DGKI: variants seen among roughly 807,000 people sequenced by gnomAD.
DGKI encodes DAG kinase iota.
DGKI carries 55 observed loss-of-function variants against 147.5 expected under a neutral mutation model. The observed-to-expected ratio is 0.37, with a 90% confidence interval of 0.30 to 0.47. The LOEUF (loss-of-function observed/expected upper bound fraction) is 0.47, where lower values mean the gene tolerates loss of function less well. Among genes scored for constraint, DGKI ranks in the 20% least tolerant of loss-of-function variants. The probability of loss-of-function intolerance (pLI) is 1.00; values close to 1 mark genes in which losing one functional copy is unlikely to be tolerated. For missense variants in DGKI, 1,007 were observed against 1,323.8 expected, an observed-to-expected ratio of 0.76 and a Z score of 3.71; for synonymous variants, 469 against 477.1, an observed-to-expected ratio of 0.98 and a Z score of 0.22.
chr7:137,747,161 T>C (rs1276331506), intron 1 of DGKI, among the ~76,000 whole-genome samples: 4 of 152,220 alleles, frequency 2.6e-5, no homozygotes, highest in Non-Finnish European at 5.9e-5. Flanking sequence ...CAATTTTGAT[T>C]GAAGTTACTA....
At chr7:137,602,766 G>T (rs1183004057) in intron 10 of DGKI, among the ~76,000 whole-genome samples, 2 of 151,970 alleles carry the variant, frequency 1.3e-5, no homozygotes, top group South Asian at 2.1e-4. Context: ...TCAATAGTAG[G>T]ATTAAATCTG....
At position 137,529,364 on chromosome 7, in the gene DGKI, T is replaced by C. The variant is rs546573627; in HGVS notation, c.2148-7398A>G. On this transcript the variant is annotated intron_variant, in intron 20 of 32. Coordinates refer to ENST00000614521, the MANE Select transcript of DGKI (RefSeq NM_001321708.2). Reference sequence around the variant, plus strand: ...TAAAAAAAATCTATGCTTTTGAGCATAGATTTTTCATGTGTGATTAGGCCA... The same window carrying C: ...TAAAAAAAATCTATGCTTTTGAGCACAGATTTTTCATGTGTGATTAGGCCA... 5.3e-5 allele frequency among the ~76,000 whole-genome samples: 8 copies of C among 152,254 alleles called. No homozygotes were observed. The East Asian group carries it at 5.8e-4, about 11-fold the overall frequency.
rs1818779219 is a variant in DGKI at position 137,571,119 on chromosome 7, A to G, written c.1947+56T>C. On this transcript the variant is annotated intron_variant, in intron 19 of 32. Coordinates refer to ENST00000614521, the MANE Select transcript of DGKI (RefSeq NM_001321708.2). ...AAGTTAACTAAAGTCCTGTGAATTG[A>G]ATAAACTCTGTGACTAAAATACATT... 10 of 1,327,414 alleles carry G rather than the reference A, an allele frequency of 7.5e-6. No individual in the cohort carries two copies. The Middle Eastern group carries it at 5.8e-4, about 77-fold the overall frequency. The allele number at this position is 1,327,414 out of a possible 1,614,324, so 82.2% of individuals were successfully genotyped here. A position where few individuals can be genotyped will look rare whatever the true frequency, so the allele number is the denominator to read the frequency against.
intron 10 of DGKI, among the ~76,000 whole-genome samples, chr7:137,601,911 T>C (rs2128990187): frequency 6.6e-6 from 1 of 152,338 alleles, no homozygotes; most frequent in Non-Finnish European, 1.5e-5. Context: ...AATCACGTTC[T>C]ATCTAATAAT....
In DGKI at chr7:137,384,645, G is replaced by C. The variant is rs1006622365; in HGVS notation, c.*6575C>G. The C allele has an allele frequency of 2.6e-5, 4 of 152,014 alleles. No homozygotes were observed. Among genetic ancestry groups the C allele is most frequent in the Non-Finnish European group, 5.9e-5 (4 of 67,962 alleles). The allele number at this position is 152,014 out of a possible 1,614,324, so 9.4% of individuals were successfully genotyped here. A position where few individuals can be genotyped will look rare whatever the true frequency, so the allele number is the denominator to read the frequency against. The stretch of plus-strand genomic sequence containing the variant: ...ATGCATTATTCACCTCGTTGGGGTT[G>C]TTTTGAACCCCAACTGAAGCTCAAA... On this transcript the variant is annotated 3_prime_UTR_variant, in exon 33 of 33. Coordinates refer to ENST00000614521, the MANE Select transcript of DGKI (RefSeq NM_001321708.2).
chr7:137,768,031 C>T (rs1262485422), intron 1 of DGKI, among the ~76,000 whole-genome samples: 1 of 151,988 alleles, frequency 6.6e-6, no homozygotes, highest in African/African-American at 2.4e-5. Context: ...CACAAACAAA[C>T]AAAAAACAAA....
At position 137,381,288 on chromosome 7, in the gene DGKI, ACCCCCC is replaced by A. The variant is rs1190871120; in HGVS notation, c.*9926_*9931del. 2 of 9,122 alleles carry A rather than the reference ACCCCCC, an allele frequency of 2.2e-4. No individual in the cohort carries two copies. Among genetic ancestry groups the A allele is most frequent in the African/African-American group, 4.3e-4 (1 of 2,300 alleles). 0.6% of individuals were successfully genotyped at this position (9,122 alleles called of 1,614,324 possible). On this transcript the variant is annotated 3_prime_UTR_variant, in exon 33 of 33. Transcript: ENST00000614521. ...ACTTCATTCTTCCCTTTCCCATCCC[ACCCCCC>A]CCCCCCCACCCACCCTCCCTCCACT...
chr7:137,593,508 A>C (rs1819686630), intron 12 of DGKI, among the ~76,000 whole-genome samples: 1 of 152,244 alleles, frequency 6.6e-6, no homozygotes, highest in African/African-American at 2.4e-5. Context: ...ACCATCTGAC[A>C]GCTGTAACTA....
chr7:137,726,101 T>G lies in DGKI; in HGVS notation c.402-36099A>C, dbSNP rs988923006. Among the ~76,000 whole-genome samples the G allele has an allele frequency of 4.6e-5, 7 of 152,304 alleles. No individual in the cohort carries two copies. The East Asian group carries it at 1.4e-3, about 29-fold the overall frequency. Reference sequence around the variant, plus strand: ...TCTATATCTCACCCTGAAGATCCTTTATAACTACCATGCACCAAACTGAAC... The same window carrying G: ...TCTATATCTCACCCTGAAGATCCTTGATAACTACCATGCACCAAACTGAAC... On this transcript the variant is annotated intron_variant, in intron 1 of 32. Transcript: ENST00000614521.
chr7:137,834,957 G>A (rs192833786), intron 1 of DGKI, among the ~76,000 whole-genome samples: 9 of 152,230 alleles, frequency 5.9e-5, no homozygotes, highest in Admixed American at 2.0e-4. Flanking sequence ...TTAAGTATAC[G>A]TCCTCCTCTG....
At chr7:137,618,812 T>G (rs1197668469) in intron 8 of DGKI, among the ~76,000 whole-genome samples, 1 of 152,244 alleles carries the variant, frequency 6.6e-6, no homozygotes, top group Admixed American at 6.5e-5. Flanking sequence ...CCTCATTTTT[T>G]AATATGTAGA....
intron 1 of DGKI, among the ~76,000 whole-genome samples, chr7:137,814,924 C>T (rs548222679): frequency 6.6e-6 from 1 of 152,228 alleles, no homozygotes; most frequent in African/African-American, 2.4e-5. Flanking sequence ...GCAATTCCTG[C>T]CACTGGATTA....
rs529869559 is a variant in DGKI, at chr7:137,665,942, G to A, written c.607-9402C>T. ...AAGCAGCCAATCGGGGCTCATAGGA[G>A]AAACAATTTGGTAAGAACCAAATTG... On this transcript the variant is annotated intron_variant, in intron 3 of 32. Coordinates refer to ENST00000614521, the MANE Select transcript of DGKI (RefSeq NM_001321708.2). Among the ~76,000 whole-genome samples the A allele has an allele frequency of 4.1e-4, 63 of 152,298 alleles. 1 individual carries two copies. In the South Asian group the frequency reaches 0.012, roughly 30 times the overall value.
rs1369027002 is a variant in DGKI, at chr7:137,791,343, G to C, written c.401+55119C>G. ...CTTAAATGTGCCTGATTATTTTGGTGGGTCAGTGGTCCTGACATAGGAAGA... is the reference window on the plus strand; with the variant it reads ...CTTAAATGTGCCTGATTATTTTGGTCGGTCAGTGGTCCTGACATAGGAAGA... On this transcript the variant is annotated intron_variant, in intron 1 of 32. Transcript: ENST00000614521. Among the ~76,000 whole-genome samples the C allele has an allele frequency of 3.3e-5, 5 of 152,070 alleles. No individual in the cohort carries two copies. In the East Asian group the frequency reaches 9.6e-4, roughly 29 times the overall value.
chr7:137,427,827 T>C (rs1238821765), intron 28 of DGKI, among the ~76,000 whole-genome samples: 4 of 152,144 alleles, frequency 2.6e-5, no homozygotes, highest in Non-Finnish European at 5.9e-5. Flanking sequence ...CCTCGACACA[T>C]ACACCCTCCC....
At chr7:137,424,858 G>T (rs1364793754) in intron 28 of DGKI, among the ~76,000 whole-genome samples, 1 of 152,246 alleles carries the variant, frequency 6.6e-6, no homozygotes, top group Non-Finnish European at 1.5e-5. Flanking sequence ...CATTGCCCAG[G>T]CTTGCTTAGG....
intron 1 of DGKI, chr7:137,722,087 C>T (rs895746175): frequency 8.1e-6 from 13 of 1,597,992 alleles, no homozygotes; most frequent in African/African-American, 2.7e-5. Context: ...AACCTCAAGG[C>T]TAAAAAGCCC....
intron 1 of DGKI, among the ~76,000 whole-genome samples, chr7:137,828,462 A>G (rs1798124765): frequency 1.3e-5 from 2 of 152,148 alleles, no homozygotes; most frequent in South Asian, 4.1e-4. Flanking sequence ...AGCTTTCAAT[A>G]CCAAGACTTG....
chr7:137,400,530 A>G (rs1811713183), intron 30 of DGKI, among the ~76,000 whole-genome samples: 1 of 152,188 alleles, frequency 6.6e-6, no homozygotes, highest in African/African-American at 2.4e-5. Flanking sequence ...ATTTGACAAT[A>G]TGAAGGTGGG....
Sources: gnomAD v4.1 joint callset for allele counts (sites outside exome capture counted in the v4.1 genomes callset) on GRCh38, gnomAD v4.1.1 for gene constraint, MANE v1.5 for transcripts, NCBI Gene and HGNC (gene_info 2026-07-23, HGNC 2026-07-21) for gene names.